The following ARAP2 variants were observed in gnomAD, a reference collection of about 807,000 sequenced individuals.
The protein encoded by ARAP2 is ArfGAP with RhoGAP domain, ankyrin repeat and PH domain 2.
A neutral mutation model predicts 194.5 loss-of-function variants in ARAP2; 148 were observed. That is an observed-to-expected ratio of 0.76 (90% CI 0.67 to 0.87). The LOEUF is 0.87. Ranked by LOEUF, ARAP2 falls within the 40% of genes least tolerant of loss-of-function variation. ARAP2 has a pLI of 0.00. For synonymous variants in ARAP2, 695 were observed against 683.5 expected (o/e 1.02, Z -0.26); for missense variants, 2,128 against 1,989.7 (o/e 1.07, Z -1.32).
intron 7 of ARAP2, among the ~76,000 whole-genome samples, 173 bp from the exon 8 acceptor site, chr4:36,187,744 G>T (rs1185278649): frequency 6.6e-6 from 1 of 152,262 alleles, no homozygotes; most frequent in East Asian, 1.9e-4. Flanking sequence ...CCCTAGAAAA[G>T]AAACTATTAA....
chr4:36,212,952 G>A (rs1747092312), intron 4 of ARAP2, among the ~76,000 whole-genome samples: 1 of 152,006 alleles, frequency 6.6e-6, no homozygotes, highest in African/African-American at 2.4e-5. Flanking sequence ...TCTAGAGAGT[G>A]CTTAAGTTTT....
In ARAP2 at chr4:36,020,181, C is replaced by T. The variant is rs529014150; in HGVS notation, n.608-895G>A. ...AGCCCAGCAATTTGGGAGGCCAAGG[C>T]GGGCAGATCAGCTGCTGTCAGGAGT... On this transcript the variant is annotated intron_variant and non_coding_transcript_variant, in intron 5 of 12. Transcript: ENST00000503225. Among the ~76,000 whole-genome samples, 156 of 152,258 alleles carry T rather than the reference C, an allele frequency of 1.0e-3. 1 individual carries two copies. Among genetic ancestry groups the T allele is most frequent in the African/African-American group, 3.5e-3 (147 of 41,564 alleles).
At position 36,066,819 on chromosome 4, in the gene ARAP2, T is replaced by C. The variant is rs1053055531; in HGVS notation, c.*1088A>G. Reference sequence around the variant, plus strand: ...AAAAGAAAAAAAAACCTAGATTAAATGTGACCAGGTAGCCCCCAAATGTAT... The same window carrying C: ...AAAAGAAAAAAAAACCTAGATTAAACGTGACCAGGTAGCCCCCAAATGTAT... On this transcript the variant is annotated 3_prime_UTR_variant, in exon 33 of 33. Transcript: ENST00000303965. The C allele has an allele frequency of 1.3e-5, 2 of 152,086 alleles. No individual in the cohort carries two copies. The highest frequency in any genetic ancestry group is 2.4e-5 in the African/African-American group (1 of 41,414). 9.4% of individuals were successfully genotyped at this position (152,086 alleles called of 1,614,324 possible).
intron 30 of ARAP2, among the ~76,000 whole-genome samples, chr4:36,081,777 G>C (rs541961898): frequency 3.9e-5 from 6 of 151,936 alleles, no homozygotes; most frequent in Non-Finnish European, 5.9e-5. Flanking sequence ...GGCAGATCTC[G>C]TGTGGCTCAG....
intron 3 of ARAP2, among the ~76,000 whole-genome samples, chr4:36,051,594 T>G (rs975472789): frequency 2.6e-5 from 4 of 152,116 alleles, no homozygotes; most frequent in African/African-American, 9.7e-5. Flanking sequence ...ATAAATTGAT[T>G]TTGTAATTTT....
chr4:36,046,685 TACAAGCCTAAGCAAAAGC>T (rs1009157167), intron 4 of ARAP2: 33 of 152,314 alleles, frequency 2.2e-4, no homozygotes, highest in Middle Eastern at 3.4e-3. Flanking sequence ...AGCCCTGGCC[TACAAGCCTAAGCAAAAGC>T]ACTCACCCAT....
intron 7 of ARAP2, among the ~76,000 whole-genome samples, chr4:36,188,055 G>A (rs1740968152): frequency 6.6e-6 from 1 of 152,118 alleles, no homozygotes; most frequent in African/African-American, 2.4e-5. Flanking sequence ...CTCTGATGAT[G>A]AGCATCTCAA....
chr4:36,213,913 C>G (rs1471962946), intron 3 of ARAP2, among the ~76,000 whole-genome samples: 1 of 152,102 alleles, frequency 6.6e-6, no homozygotes, highest in Non-Finnish European at 1.5e-5. Flanking sequence ...TGCATTTCTA[C>G]TCTGGCAAAA....
At chr4:36,127,495 G>T (rs771773292) in intron 21 of ARAP2, among the ~76,000 whole-genome samples, 1 of 151,890 alleles carries the variant, frequency 6.6e-6, no homozygotes, top group Non-Finnish European at 1.5e-5. Flanking sequence ...TGCATGTTTT[G>T]TGACATCATT....
At chr4:36,025,485 AT>A (rs1209753368) in intron 5 of ARAP2, among the ~76,000 whole-genome samples, 2 of 152,060 alleles carry the variant, frequency 1.3e-5, no homozygotes, top group Admixed American at 1.3e-4. Flanking sequence ...GGAATTGATT[AT>A]TTTTTGTTTT....
At chr4:36,102,139 A>G (rs758799735) in intron 27 of ARAP2, among the ~76,000 whole-genome samples, 1 of 151,930 alleles carries the variant, frequency 6.6e-6, no homozygotes, top group African/African-American at 2.4e-5. Context: ...CTTTCCACAC[A>G]ATGAGCTCTT....
chr4:36,150,093 T>C (rs1320164213), intron 16 of ARAP2, among the ~76,000 whole-genome samples: 2 of 152,208 alleles, frequency 1.3e-5, no homozygotes, highest in African/African-American at 4.8e-5. Context: ...ACATAAATAA[T>C]GCTTAATCTA....
chr4:36,073,186 C>CAA lies in ARAP2; in HGVS notation c.4743+501_4743+502dup, dbSNP rs147996862. On this transcript the variant is annotated intron_variant, in intron 32 of 32. Coordinates refer to ENST00000303965, the MANE Select transcript of ARAP2 (RefSeq NM_015230.4). ...CCAACCCTCAAGGTGAGAAGGAAAA[C>CAA]AAACAGTAGCTTTCATGAAAGATGC... Among the ~76,000 whole-genome samples the CAA allele has an allele frequency of 1.4e-3, 211 of 152,198 alleles. 3 individuals carry two copies. In the East Asian group the frequency reaches 0.03, roughly 22 times the overall value.
chr4:36,076,266 C>A lies in ARAP2; in HGVS notation c.4609-2443G>T, dbSNP rs991518833. Among the ~76,000 whole-genome samples the A allele has an allele frequency of 2.6e-5, 4 of 152,226 alleles. No homozygotes were observed. The South Asian group carries it at 8.3e-4, about 32-fold the overall frequency. On this transcript the variant is annotated intron_variant, in intron 31 of 32. Transcript: ENST00000303965. ...AATAATGAATAACCATGCACTAGAT[C>A]ATATCATTTCATGTCTGTTCAGGGC...
At chr4:36,083,936 A>G (rs1276659563) in intron 28 of ARAP2, among the ~76,000 whole-genome samples, 2 of 152,126 alleles carry the variant, frequency 1.3e-5, no homozygotes, top group Non-Finnish European at 2.9e-5. Context: ...ATGGAAGAGC[A>G]GACTTGCTAA....
At chr4:36,026,850 T>C (rs915688846) in intron 5 of ARAP2, among the ~76,000 whole-genome samples, 1 of 152,246 alleles carries the variant, frequency 6.6e-6, no homozygotes, top group African/African-American at 2.4e-5. Flanking sequence ...TACACTAAAA[T>C]TGTTTTTGTC....
intron 26 of ARAP2, among the ~76,000 whole-genome samples, chr4:36,108,170 T>C (rs1480651018): frequency 1.3e-5 from 2 of 151,876 alleles, no homozygotes; most frequent in African/African-American, 4.8e-5. Context: ...AGTGGTGGGA[T>C]GAACAGGCAT....
intron 1 of ARAP2, among the ~76,000 whole-genome samples, chr4:36,231,175 A>G (rs1321367941): frequency 6.6e-6 from 1 of 152,078 alleles, no homozygotes; most frequent in Non-Finnish European, 1.5e-5. Flanking sequence ...CATCTCTATT[A>G]AAATACAAAA....
chr4:36,036,594 C>A (rs1034573276), intron 5 of ARAP2, among the ~76,000 whole-genome samples: 1 of 152,016 alleles, frequency 6.6e-6, no homozygotes, highest in Non-Finnish European at 1.5e-5. Flanking sequence ...AATAAATTAT[C>A]TCTATACCAC....
Sources: gnomAD v4.1 joint callset for allele counts (sites outside exome capture counted in the v4.1 genomes callset) on GRCh38, gnomAD v4.1.1 for gene constraint, MANE v1.5 for transcripts, NCBI Gene and HGNC (gene_info 2026-07-23, HGNC 2026-07-21) for gene names.